DOCK1: variants seen among roughly 807,000 people sequenced by gnomAD.
DOCK1 encodes the protein dedicator of cytokinesis protein 1.
Under a neutral mutation model 262.7 loss-of-function variants are expected in DOCK1, and 138 were observed. That is an observed-to-expected ratio of 0.53 (90% CI 0.46 to 0.61). The LOEUF is 0.61. Among genes scored for constraint, DOCK1 ranks in the 20% least tolerant of loss-of-function variants. The pLI, the probability that DOCK1 is intolerant of heterozygous loss-of-function variation, is 0.00. For missense variants in DOCK1, 1,908 were observed against 2,370.7 expected (o/e 0.80, Z 4.05); for synonymous variants, 866 against 867.4 (o/e 1.00, Z 0.03).
intron 23 of DOCK1, among the ~76,000 whole-genome samples, chr10:127,074,733 A>G (rs1011798979): frequency 6.6e-6 from 1 of 152,230 alleles, no homozygotes; most frequent in African/African-American, 2.4e-5. Context: ...ATTAAGAAAG[A>G]ACAGTAGTCC....
intron 29 of DOCK1, among the ~76,000 whole-genome samples, chr10:127,306,005 T>C (rs927863745): frequency 3.3e-5 from 5 of 150,786 alleles, no homozygotes; most frequent in Non-Finnish European, 5.9e-5. Context: ...TTATGCATTT[T>C]TTTTCCTGGT....
intron 27 of DOCK1, among the ~76,000 whole-genome samples, chr10:127,229,427 A>G (rs567740461): frequency 6.6e-6 from 1 of 152,142 alleles, no homozygotes; most frequent in East Asian, 1.9e-4. Flanking sequence ...CCACAATTCT[A>G]CTTTCTGCTT....
At chr10:127,137,761 A>T in intron 27 of DOCK1, 1 of 1,389,498 alleles carries the variant, frequency 7.2e-7, no homozygotes, top group South Asian at 1.4e-5. Context: ...CCTCGATCCT[A>T]TTCATTTTGG....
At chr10:127,161,658 A>G (rs1290929880) in intron 27 of DOCK1, among the ~76,000 whole-genome samples, 2 of 151,972 alleles carry the variant, frequency 1.3e-5, no homozygotes, top group Non-Finnish European at 2.9e-5. Flanking sequence ...CCACCTTTTG[A>G]GAGTTCTGCT....
At chr10:127,128,343 T>C in intron 27 of DOCK1, among the ~76,000 whole-genome samples, 1 of 148,608 alleles carries the variant, frequency 6.7e-6, no homozygotes, top group East Asian at 2.0e-4. Context: ...TTAATTTTTT[T>C]TTTTTTTGAG....
In DOCK1 at chr10:127,356,430, G is replaced by T. The variant is rs2064148142; in HGVS notation, c.3283+1703G>T. ...TAATTCTATGACATATATATACGAT[G>T]ATCTCAGTAATAACGTGCTAAGGCT... On this transcript the variant is annotated intron_variant, in intron 32 of 51. Coordinates refer to ENST00000623213, the MANE Select transcript of DOCK1 (RefSeq NM_001290223.2). Among the ~76,000 whole-genome samples, 3 of 152,294 alleles carry T rather than the reference G, an allele frequency of 2.0e-5. No individual in the cohort carries two copies. In the South Asian group the frequency reaches 6.2e-4, roughly 32 times the overall value.
intron 31 of DOCK1, among the ~76,000 whole-genome samples, chr10:127,353,289 G>C (rs1192186870): frequency 2.0e-5 from 3 of 152,158 alleles, no homozygotes; most frequent in Non-Finnish European, 1.5e-5. Flanking sequence ...CCCAGCCCTG[G>C]CCGCAGCAGC....
chr10:126,951,628 G>T (rs1005781806), intron 1 of DOCK1, among the ~76,000 whole-genome samples: 111 of 117,180 alleles, frequency 9.5e-4, no homozygotes, highest in African/African-American at 3.4e-3. Context: ...GGTATTGTTG[G>T]TGGTAGTATT....
chr10:127,116,245 G>A (rs771658110), intron 25 of DOCK1, among the ~76,000 whole-genome samples: 5 of 152,164 alleles, frequency 3.3e-5, no homozygotes, highest in Non-Finnish European at 5.9e-5. Flanking sequence ...TGTAGACAGT[G>A]TTCATGAGTC....
intron 27 of DOCK1, among the ~76,000 whole-genome samples, chr10:127,209,624 G>T (rs1209522721): frequency 6.6e-6 from 1 of 152,182 alleles, no homozygotes; most frequent in Non-Finnish European, 1.5e-5. Flanking sequence ...CTTACCTTGA[G>T]TGGAGGTGCC....
intron 47 of DOCK1, among the ~76,000 whole-genome samples, chr10:127,430,882 A>G (rs2069238701): frequency 6.6e-6 from 1 of 152,182 alleles, no homozygotes; most frequent in African/African-American, 2.4e-5. Flanking sequence ...GGAGACAGCG[A>G]CGTAAAACTC....
chr10:127,108,044 C>T (rs1030367286), intron 24 of DOCK1, among the ~76,000 whole-genome samples: 4 of 152,200 alleles, frequency 2.6e-5, no homozygotes, highest in African/African-American at 7.2e-5. Context: ...TGGCCAGGGC[C>T]GATGCAGGCT....
rs1319206920 is a variant in DOCK1 at position 127,442,861 on chromosome 10, AAT to A, written c.5260-1263_5260-1262del. 1.3e-5 allele frequency among the ~76,000 whole-genome samples: 2 copies of A among 152,168 alleles called. 1 individual carries two copies. Among genetic ancestry groups the A allele is most frequent in the African/African-American group, 4.8e-5 (2 of 41,446 alleles). ...GCTGGCTATCTGCATGTCTTGCAAT[AAT>A]ACTCAGCCACTTTTGCATCTATATT... On this transcript the variant is annotated intron_variant, in intron 49 of 51. Coordinates refer to ENST00000623213, the MANE Select transcript of DOCK1 (RefSeq NM_001290223.2).
chr10:127,086,515 T>A (rs2047209983), intron 23 of DOCK1, among the ~76,000 whole-genome samples: 1 of 152,172 alleles, frequency 6.6e-6, no homozygotes, highest in Non-Finnish European at 1.5e-5. Flanking sequence ...AATTATTGGA[T>A]GTCATTATAA....
intron 32 of DOCK1, among the ~76,000 whole-genome samples, chr10:127,355,318 T>C (rs867318225): frequency 1.3e-5 from 2 of 152,342 alleles, no homozygotes; most frequent in Middle Eastern, 6.8e-3. Flanking sequence ...TGACATGTAA[T>C]TCTTATAGAT....
At chr10:127,322,538 A>AC (rs35374435) in intron 29 of DOCK1, among the ~76,000 whole-genome samples, 76,665 of 151,986 alleles carry the variant, frequency 0.5, 19,853 homozygotes, top group African/African-American at 0.63. Context: ...GTAACTGATG[A>AC]CCCAATCCAG....
At chr10:127,277,891 C>A (rs2037195637) in intron 29 of DOCK1, among the ~76,000 whole-genome samples, 2 of 152,074 alleles carry the variant, frequency 1.3e-5, no homozygotes, top group Non-Finnish European at 2.9e-5. Flanking sequence ...TTAATCTTTT[C>A]AAATCTTTAG....
chr10:127,151,786 G>A (rs1045302621), intron 27 of DOCK1, among the ~76,000 whole-genome samples: 2 of 152,134 alleles, frequency 1.3e-5, no homozygotes, highest in African/African-American at 2.4e-5. Context: ...TTGGTCACTC[G>A]CAGTTCTTCT....
intron 16 of DOCK1, 154 bp downstream of exon 16, chr10:127,026,578 C>A: frequency 1.4e-6 from 1 of 733,648 alleles, no homozygotes; most frequent in Non-Finnish European, 2.3e-6. Flanking sequence ...ATTCTTCTCT[C>A]TTTTCCTTGA....
Sources: gnomAD v4.1 joint callset for allele counts (sites outside exome capture counted in the v4.1 genomes callset) on GRCh38, gnomAD v4.1.1 for gene constraint, MANE v1.5 for transcripts, NCBI Gene and HGNC (gene_info 2026-07-23, HGNC 2026-07-21) for gene names.